The following CNTLN variants were observed in gnomAD, a reference collection of about 807,000 sequenced individuals.
CNTLN encodes centlein.
In CNTLN, 212 loss-of-function variants were observed where a neutral mutation model predicts 180.0. That is an observed-to-expected ratio of 1.18 (90% CI 1.05 to 1.32). The LOEUF is 1.32. Among genes scored for constraint, CNTLN ranks in the 40% most tolerant of loss-of-function variants. CNTLN has a pLI of 0.00. For missense variants in CNTLN, 2,095 were observed against 1,610.9 expected, an observed-to-expected ratio of 1.30 and a Z score of -5.14; for synonymous variants, 722 against 563.1, an observed-to-expected ratio of 1.28 and a Z score of -3.99.
intron 5 of CNTLN, among the ~76,000 whole-genome samples, chr9:17,250,989 C>T (rs922790654): frequency 6.6e-6 from 1 of 151,932 alleles, no homozygotes; most frequent in Admixed American, 6.6e-5. Context: ...CTTAATTTCT[C>T]CCTTTTTAAG....
intron 5 of CNTLN, among the ~76,000 whole-genome samples, chr9:17,237,051 T>C (rs1186738084): frequency 6.6e-6 from 1 of 152,104 alleles, no homozygotes; most frequent in Non-Finnish European, 1.5e-5. Context: ...GGTGCTTTCT[T>C]TGACTTTAAA....
At chr9:17,512,896 A>G in the CNTLN span, among the ~76,000 whole-genome samples, 4 of 152,152 alleles carry the variant, frequency 2.6e-5, no homozygotes, top group Non-Finnish European at 5.9e-5. Context: ...AGCTCACTGC[A>G]AGCTCCGCCT....
intron 5 of CNTLN, among the ~76,000 whole-genome samples, chr9:17,266,585 G>T (rs1827467475): frequency 6.6e-6 from 1 of 151,972 alleles, no homozygotes. Flanking sequence ...TCAATTCCTG[G>T]GTATCCTTGT....
chr9:17,293,995 G>A (rs761321751), intron 6 of CNTLN, among the ~76,000 whole-genome samples: 79 of 152,254 alleles, frequency 5.2e-4, no homozygotes, highest in Middle Eastern at 6.8e-3. Context: ...ATGAAGCCAC[G>A]GACCCTTGCG....
At chr9:17,184,440 A>G (rs987615111) in intron 2 of CNTLN, among the ~76,000 whole-genome samples, 1 of 151,858 alleles carries the variant, frequency 6.6e-6, no homozygotes, top group Non-Finnish European at 1.5e-5. Context: ...TTTCAAAATC[A>G]TACGTTATGC....
At chr9:17,258,605 C>A (rs1038968311) in intron 5 of CNTLN, among the ~76,000 whole-genome samples, 1 of 150,348 alleles carries the variant, frequency 6.7e-6, no homozygotes, top group Middle Eastern at 3.2e-3. Context: ...TCTTCCTACC[C>A]ATGAACATGG....
intron 8 of CNTLN, among the ~76,000 whole-genome samples, chr9:17,314,256 A>G (rs1262243207): frequency 1.3e-5 from 2 of 151,960 alleles, no homozygotes; most frequent in Non-Finnish European, 2.9e-5. Context: ...TGGTTTGATC[A>G]CTATTGTTTT....
At chr9:17,195,218 G>A (rs553746439) in intron 2 of CNTLN, among the ~76,000 whole-genome samples, 2 of 152,298 alleles carry the variant, frequency 1.3e-5, no homozygotes, top group African/African-American at 4.8e-5. Flanking sequence ...GTTTCATGAT[G>A]AGCTCAAGGA....
At chr9:17,302,471 T>C (rs1266690453) in intron 7 of CNTLN, among the ~76,000 whole-genome samples, 2 of 152,156 alleles carry the variant, frequency 1.3e-5, no homozygotes, top group Admixed American at 1.3e-4. Context: ...AGTGCTGGGA[T>C]TATAGGTGTG....
chr9:17,198,686 C>G (rs1264349371), intron 2 of CNTLN, among the ~76,000 whole-genome samples: 2 of 151,630 alleles, frequency 1.3e-5, no homozygotes, highest in Non-Finnish European at 2.9e-5. Flanking sequence ...CCTTGCCCCC[C>G]ACTCCCCAAC....
At chr9:17,215,829 G>A (rs539791914) in intron 2 of CNTLN, among the ~76,000 whole-genome samples, 2 of 152,248 alleles carry the variant, frequency 1.3e-5, no homozygotes, top group East Asian at 3.9e-4. Context: ...GCGAGGCTCC[G>A]TGGGTGTGGG....
intron 6 of CNTLN, among the ~76,000 whole-genome samples, chr9:17,280,268 C>A (rs143378931): frequency 1.4e-3 from 210 of 152,272 alleles, no homozygotes; most frequent in Non-Finnish European, 2.2e-3. Flanking sequence ...TCAGTATCTT[C>A]TCTTTCAACT....
chr9:17,284,346 C>T (rs1828847169), intron 6 of CNTLN, among the ~76,000 whole-genome samples: 1 of 152,120 alleles, frequency 6.6e-6, no homozygotes, highest in African/African-American at 2.4e-5. Flanking sequence ...GGTACTAGCT[C>T]CTGTTTGCAC....
At chr9:17,147,169 G>A (rs1211750918) in intron 2 of CNTLN, among the ~76,000 whole-genome samples, 1 of 152,212 alleles carries the variant, frequency 6.6e-6, no homozygotes, top group Non-Finnish European at 1.5e-5. Context: ...CTATCCACAG[G>A]CTTTCCTGAA....
intron 15 of CNTLN, among the ~76,000 whole-genome samples, chr9:17,396,828 C>T (rs1460904387): frequency 3.9e-5 from 6 of 152,134 alleles, no homozygotes; most frequent in African/African-American, 1.4e-4. Flanking sequence ...CTACTCAAGC[C>T]CCTTGTCCTC....
chr9:17,492,282 T>G (rs2383026), intron 25 of CNTLN, among the ~76,000 whole-genome samples: 1 of 151,736 alleles, frequency 6.6e-6, no homozygotes, highest in Non-Finnish European at 1.5e-5. Context: ...TCTTTCTTTC[T>G]TTCTTATTTT....
chr9:17,344,972 G>T (rs1256506472), intron 12 of CNTLN, among the ~76,000 whole-genome samples: 1 of 151,946 alleles, frequency 6.6e-6, no homozygotes, highest in Non-Finnish European at 1.5e-5. Flanking sequence ...CATATGCACA[G>T]AATCATACAG....
intron 5 of CNTLN, among the ~76,000 whole-genome samples, chr9:17,265,253 A>G (rs59236751): frequency 0.23 from 34,054 of 150,488 alleles, 4,457 homozygotes; most frequent in East Asian, 0.35. Context: ...AGCATGAAGC[A>G]TTGTTGAATT....
chr9:17,159,619 C>A (rs1046114484), intron 2 of CNTLN, among the ~76,000 whole-genome samples: 2 of 152,150 alleles, frequency 1.3e-5, no homozygotes, highest in Non-Finnish European at 2.9e-5. Flanking sequence ...TAGCTGGGGA[C>A]AGGATGAGAA....
Sources: allele counts gnomAD v4.1 joint callset (sites outside exome capture counted in the v4.1 genomes callset), GRCh38; gene constraint gnomAD v4.1.1; transcripts MANE v1.5; gene names NCBI Gene and HGNC (gene_info 2026-07-23, HGNC 2026-07-21).